BLTP2: variants seen among roughly 807,000 people sequenced by gnomAD.
The protein encoded by BLTP2 is bridge-like lipid transfer protein family member 2.
the BLTP2 span, chr17:28,635,429 G>A: frequency 1.9e-6 from 3 of 1,614,166 alleles, no homozygotes; most frequent in Non-Finnish European, 1.7e-6. Flanking sequence ...AATGGCTCAG[G>A]GGCACGGCCT....
At chr17:28,638,515 G>A in the BLTP2 span, 3 of 1,603,680 alleles carry the variant, frequency 1.9e-6, no homozygotes, top group African/African-American at 4.0e-5. Context: ...TTCCATCTGA[G>A]AGCCTTACCC....
At chr17:28,639,676 C>G in the BLTP2 span, 7 of 1,598,384 alleles carry the variant, frequency 4.4e-6, no homozygotes, top group Non-Finnish European at 5.1e-6. Context: ...CAGAGGAGAG[C>G]ACTGGAAGGG....
the BLTP2 span, among the ~76,000 whole-genome samples, chr17:28,617,738 A>G: frequency 1.3e-5 from 2 of 152,130 alleles, no homozygotes; most frequent in African/African-American, 4.8e-5. Flanking sequence ...GAAGCATCTG[A>G]TCAAACTCAC....
chr17:28,631,729 A>G, the BLTP2 span: 1 of 1,605,850 alleles, frequency 6.2e-7, no homozygotes. Context: ...TTCAGAGGAT[A>G]GTGTAAGACA....
At chr17:28,632,937 C>A in the BLTP2 span, 1 of 1,514,244 alleles carries the variant, frequency 6.6e-7, no homozygotes, top group African/African-American at 1.4e-5. Context: ...AGGCCCAAGC[C>A]TCACTTCCAC....
the BLTP2 span, chr17:28,624,515 C>T: frequency 3.9e-6 from 3 of 760,564 alleles, no homozygotes; most frequent in Non-Finnish European, 6.1e-6. Context: ...TACATCCTCC[C>T]AAACCTAAAA....
At chr17:28,624,376 G>C in the BLTP2 span, 1 of 1,612,988 alleles carries the variant, frequency 6.2e-7, no homozygotes, top group South Asian at 1.1e-5. Flanking sequence ...ATTAGCTTCT[G>C]CAACATGTAA....
At chr17:28,615,781 C>T in the BLTP2 span, 1 of 1,614,110 alleles carries the variant, frequency 6.2e-7, no homozygotes, top group South Asian at 1.1e-5. Flanking sequence ...CACCCCAGTC[C>T]ACACTGTTCT....
chr17:28,623,988 A>G, the BLTP2 span: 1 of 1,608,948 alleles, frequency 6.2e-7, no homozygotes, highest in Non-Finnish European at 8.5e-7. Context: ...ATAGAAGCAG[A>G]GTTAAGCTAC....
At chr17:28,634,108 A>G in the BLTP2 span, 26 of 1,607,100 alleles carry the variant, frequency 1.6e-5, no homozygotes, top group Non-Finnish European at 2.0e-5. Flanking sequence ...GGAAGGGTAC[A>G]CACTGGCTAC....
chr17:28,621,438 T>A, the BLTP2 span: 2 of 1,614,012 alleles, frequency 1.2e-6, no homozygotes, highest in African/African-American at 2.7e-5. Context: ...GCCTGCCCAC[T>A]CTCCATCAGC....
the BLTP2 span, chr17:28,618,978 G>T: frequency 6.2e-7 from 1 of 1,610,410 alleles, no homozygotes. Flanking sequence ...ACACCTGTAA[G>T]TGGACAGGGG....
the BLTP2 span, chr17:28,620,146 T>G: frequency 2.5e-6 from 2 of 793,562 alleles, no homozygotes; most frequent in Non-Finnish European, 3.9e-6. Context: ...TCACTGGTAA[T>G]AGCAACAGTA....
chr17:28,638,136 G>A, the BLTP2 span: 47 of 1,604,920 alleles, frequency 2.9e-5, no homozygotes, highest in African/African-American at 4.0e-4. Context: ...GTATGCAGGC[G>A]CACAGTTTTA....
the BLTP2 span, among the ~76,000 whole-genome samples, chr17:28,628,769 C>T: frequency 6.6e-6 from 1 of 152,078 alleles, no homozygotes; most frequent in African/African-American, 2.4e-5. Flanking sequence ...CCCATCTCTA[C>T]TAAAAATACA....
the BLTP2 span, chr17:28,617,171 G>A: frequency 2.3e-5 from 33 of 1,420,406 alleles, 1 homozygote; most frequent in Admixed American, 1.2e-4. Context: ...CTGAAGGGCC[G>A]TTATAAATGC....
the BLTP2 span, among the ~76,000 whole-genome samples, chr17:28,630,566 C>T: frequency 6.6e-6 from 1 of 151,202 alleles, no homozygotes; most frequent in Non-Finnish European, 1.5e-5. Context: ...CTGCAACCTC[C>T]ACCTCCCGGG....
At chr17:28,619,044 A>G in the BLTP2 span, 1 of 1,218,612 alleles carries the variant, frequency 8.2e-7, no homozygotes, top group Non-Finnish European at 1.2e-6. Flanking sequence ...AGAATGCTCT[A>G]GAATGATGCA....
At chr17:28,617,927 TTTTC>T in the BLTP2 span, among the ~76,000 whole-genome samples, 31 of 150,094 alleles carry the variant, frequency 2.1e-4, no homozygotes, top group South Asian at 6.0e-3. Flanking sequence ...CCACACCCAA[TTTTC>T]TTTTTTTTTT....
Sources: allele counts gnomAD v4.1 joint callset (sites outside exome capture counted in the v4.1 genomes callset), GRCh38; gene constraint gnomAD v4.1.1; transcripts MANE v1.5; gene names NCBI Gene and HGNC (gene_info 2026-07-23, HGNC 2026-07-21).